PPA1: variants seen among roughly 807,000 people sequenced by gnomAD.
The protein encoded by PPA1 is inorganic pyrophosphatase.
A neutral mutation model predicts 41.8 loss-of-function variants in PPA1; 23 were observed. That is an observed-to-expected ratio of 0.55 (90% CI 0.40 to 0.78). The LOEUF (loss-of-function observed/expected upper bound fraction) is 0.78, where lower values mean the gene tolerates loss of function less well. PPA1 is among the 30% of genes least tolerant of loss of function. PPA1 has a pLI of 0.00. For synonymous variants in PPA1, 101 were observed against 116.8 expected (o/e 0.86, Z 0.87); for missense variants, 320 against 361.6 (o/e 0.89, Z 0.93).
intron 2 of PPA1, among the ~76,000 whole-genome samples, chr10:70,225,239 G>A (rs192777957): frequency 3.3e-5 from 5 of 149,934 alleles, no homozygotes; most frequent in Non-Finnish European, 7.4e-5. Flanking sequence ...TTTATTTAGA[G>A]ACAGAGTCTC....
Position 70,202,920 on chromosome 10 carries a change from T to C in PPA1, c.*235A>G, listed in dbSNP as rs1345198259. 1 of 534,380 alleles carries C rather than the reference T, an allele frequency of 1.9e-6. No individual in the cohort carries two copies. The highest frequency in any genetic ancestry group is 1.9e-5 in the African/African-American group (1 of 51,634). 33.1% of individuals were successfully genotyped at this position (534,380 alleles called of 1,614,324 possible). On this transcript the variant is annotated 3_prime_UTR_variant, in exon 11 of 11. Transcript: ENST00000373232. ...CCTTGCACATCTATTCACAAGTGAC[T>C]TCCAAATGACAACTGCTTTGATATT... is the stretch of plus-strand genomic sequence containing the variant.
intron 2 of PPA1, among the ~76,000 whole-genome samples, chr10:70,225,491 G>A (rs1380742435): frequency 2.0e-5 from 3 of 151,874 alleles, no homozygotes; most frequent in Non-Finnish European, 2.9e-5. Flanking sequence ...CTAGAATTAC[G>A]GGCATAAGCC....
intron 5 of PPA1, 100 bp from the exon 6 acceptor site, chr10:70,213,689 G>A: frequency 7.3e-7 from 1 of 1,373,076 alleles, no homozygotes; most frequent in South Asian, 1.5e-5. Context: ...CCAAGTTCTT[G>A]AGAATTTACC....
In PPA1 at chr10:70,230,383, T is replaced by C. The variant is rs1840277637; in HGVS notation, c.81A>G (p.Gln27=). 2 of 1,611,440 alleles carry C rather than the reference T, an allele frequency of 1.2e-6. No individual in the cohort carries two copies. Among genetic ancestry groups the C allele is most frequent in the Admixed American group, 1.7e-5 (1 of 59,656 alleles). Residue 27 remains glutamine (Q), a synonymous_variant, in exon 2 of 11, where the codon CAA becomes CAG. Transcript: ENST00000373232. The part of the protein sequence containing the change: ...YRVFLKNEKG[Q]YISPFHDIPI... Reference sequence around the variant, plus strand: ...GAATATCATGAAATGGAGATATATATTGTCCTTTCTCATTTTCTGCAAAAT... The same window carrying C: ...GAATATCATGAAATGGAGATATATACTGTCCTTTCTCATTTTCTGCAAAAT...
At chr10:70,207,900 T>C (rs559813365) in intron 8 of PPA1, among the ~76,000 whole-genome samples, 4 of 149,772 alleles carry the variant, frequency 2.7e-5, no homozygotes, top group Non-Finnish European at 4.4e-5. Context: ...CAATTAGAAA[T>C]ATTCCATCAA....
chr10:70,230,505 A>C (rs1470511934), intron 1 of PPA1, 106 bp from the exon 2 acceptor site: 4 of 1,153,432 alleles, frequency 3.5e-6, no homozygotes, highest in African/African-American at 1.5e-5. Context: ...TCTGTCACCC[A>C]GGATGGTGTG....
chr10:70,220,460 G>A (rs1473211710), intron 2 of PPA1, among the ~76,000 whole-genome samples: 5 of 119,818 alleles, frequency 4.2e-5, no homozygotes, highest in African/African-American at 1.3e-4. Context: ...GTGTGTGTGC[G>A]TGTATGTGCA....
intron 6 of PPA1, among the ~76,000 whole-genome samples, chr10:70,212,838 A>G (rs1005335139): frequency 2.0e-5 from 3 of 150,634 alleles, no homozygotes; most frequent in African/African-American, 5.0e-5. Flanking sequence ...AAAAAAAAAA[A>G]GGGAATGAAG....
intron 3 of PPA1, 44 bp from the exon 4 acceptor site, chr10:70,217,975 A>T: frequency 6.8e-7 from 1 of 1,461,338 alleles, no homozygotes; most frequent in East Asian, 2.3e-5. Context: ...TGGATGTGAA[A>T]TACTATTCAA....
intron 2 of PPA1, among the ~76,000 whole-genome samples, chr10:70,229,274 A>G (rs1840262814): frequency 6.6e-6 from 1 of 152,204 alleles, no homozygotes; most frequent in African/African-American, 2.4e-5. Context: ...CCCACGAATC[A>G]TAACTATTTT....
At chr10:70,223,919 A>G (rs901492792) in intron 2 of PPA1, among the ~76,000 whole-genome samples, 2 of 152,124 alleles carry the variant, frequency 1.3e-5, no homozygotes, top group Non-Finnish European at 2.9e-5. Context: ...CAATCCTACC[A>G]TGCTTTGGAG....
chr10:70,226,823 A>G (rs1380280590), intron 2 of PPA1, among the ~76,000 whole-genome samples: 1 of 152,204 alleles, frequency 6.6e-6, no homozygotes, highest in Non-Finnish European at 1.5e-5. Flanking sequence ...CTGAAGCATC[A>G]ATCTATTTGA....
At chr10:70,205,537 A>T (rs1457292865) in intron 9 of PPA1, 3 of 152,166 alleles carry the variant, frequency 2.0e-5, no homozygotes, top group African/African-American at 7.2e-5. Flanking sequence ...AAATTATAAT[A>T]GTTAACCACT....
intron 2 of PPA1, 109 bp downstream of exon 2, chr10:70,230,232 A>T (rs535753583): frequency 2.0e-4 from 256 of 1,291,352 alleles, no homozygotes; most frequent in Non-Finnish European, 2.4e-4. Flanking sequence ...TTTAGCTCAC[A>T]GCACAACGAG....
chr10:70,218,010 T>C, intron 3 of PPA1, 79 bp from the exon 4 acceptor site: 1 of 1,249,360 alleles, frequency 8.0e-7, no homozygotes, highest in Non-Finnish European at 1.1e-6. Flanking sequence ...AAATGAATTA[T>C]GGTACCTATG....
chr10:70,230,535 C>A, intron 1 of PPA1, 136 bp from the exon 2 acceptor site: 1 of 847,308 alleles, frequency 1.2e-6, no homozygotes, highest in Non-Finnish European at 1.8e-6. Context: ...GATCTTGGCT[C>A]ACTGCCACTT....
intron 6 of PPA1, among the ~76,000 whole-genome samples, chr10:70,210,752 C>T (rs935327556): frequency 6.7e-6 from 1 of 149,412 alleles, no homozygotes; most frequent in African/African-American, 2.5e-5. Flanking sequence ...TATAAGATAA[C>T]ATTGCTTCAC....
chr10:70,231,219 C>T (rs1172123979), intron 1 of PPA1, among the ~76,000 whole-genome samples: 1 of 152,206 alleles, frequency 6.6e-6, no homozygotes, highest in Non-Finnish European at 1.5e-5. Context: ...TTTAAAACTT[C>T]TTCAGTATTC....
At chr10:70,222,062 G>A (rs146255485) in intron 2 of PPA1, among the ~76,000 whole-genome samples, 6 of 152,160 alleles carry the variant, frequency 3.9e-5, no homozygotes, top group Admixed American at 1.3e-4. Flanking sequence ...AGGCCGGGGG[G>A]TGGTGGCTCA....
Sources: allele counts gnomAD v4.1 joint callset (sites outside exome capture counted in the v4.1 genomes callset), GRCh38; gene constraint gnomAD v4.1.1; transcripts MANE v1.5; gene names NCBI Gene and HGNC (gene_info 2026-07-23, HGNC 2026-07-21).